TACC2: variants seen among roughly 807,000 people sequenced by gnomAD.
The protein encoded by TACC2 is transforming acidic coiled-coil-containing protein 2.
Under a neutral mutation model 227.3 loss-of-function variants are expected in TACC2, and 137 were observed. The ratio of observed to expected loss-of-function variants is 0.60; its 90% CI spans 0.52 to 0.69. The LOEUF is 0.69. TACC2 is among the 30% of genes least tolerant of loss of function. The pLI, the probability that TACC2 is intolerant of heterozygous loss-of-function variation, is 0.00. For synonymous variants in TACC2, 1,523 were observed against 1,487.5 expected (o/e 1.02, Z -0.55); for missense variants, 3,470 against 3,694.4 (o/e 0.94, Z 1.57).
At chr10:122,059,782 G>C (rs1458272492) in intron 3 of TACC2, among the ~76,000 whole-genome samples, 2 of 152,192 alleles carry the variant, frequency 1.3e-5, no homozygotes, top group Admixed American at 1.3e-4. Flanking sequence ...TGTCAAGCTA[G>C]AGAGTAACAG....
chr10:122,216,633 A>G lies in TACC2; in HGVS notation c.7351A>G (p.Thr2451Ala). The change falls in exon 11 of 23, where the codon ACC becomes GCC. Residue 2451 changes from threonine (T) to alanine (A), a missense_variant. Thr to Ala is a moderately conservative substitution (Grantham distance 58). This residue lies in a region of TACC2 where 593 missense variants were observed against 636.6 expected (regional missense o/e 0.93). Coordinates refer to ENST00000369005, the MANE Select transcript of TACC2 (RefSeq NM_206862.4). ...PLSDPPSQDP[T>A]PAATPETPPV... The stretch of plus-strand genomic sequence containing the variant: ...GTTTCTCTTCTCTTTGCAGGACCCC[A>G]CCCCAGCTGCTACACCAGAAACACC... 1 of 1,613,240 alleles carries G rather than the reference A, an allele frequency of 6.2e-7. No individual in the cohort carries two copies. The highest frequency in any genetic ancestry group is 2.2e-5 in the East Asian group (1 of 44,832).
At chr10:122,024,222 T>C (rs1471347587) in intron 2 of TACC2, among the ~76,000 whole-genome samples, 1 of 152,028 alleles carries the variant, frequency 6.6e-6, no homozygotes, top group Admixed American at 6.6e-5. Context: ...AAAAATTAGC[T>C]GGGTGTGGTG....
chr10:122,137,134 T>G (rs2089832956), intron 6 of TACC2, among the ~76,000 whole-genome samples: 1 of 152,154 alleles, frequency 6.6e-6, no homozygotes, highest in Non-Finnish European at 1.5e-5. Context: ...CAAAATTTGC[T>G]TCTTTCCTCA....
Position 122,035,935 on chromosome 10 carries a change from C to T in TACC2, c.33+13921C>T, listed in dbSNP as rs148223678. Among the ~76,000 whole-genome samples, 423 of 152,264 alleles carry T rather than the reference C, an allele frequency of 2.8e-3. 4 individuals carry two copies. Among genetic ancestry groups the T allele is most frequent in the African/African-American group, 9.3e-3 (386 of 41,548 alleles). On this transcript the variant is annotated intron_variant, in intron 2 of 22. Coordinates refer to ENST00000369005, the MANE Select transcript of TACC2 (RefSeq NM_206862.4). ...TCAATCAGTCCTCCCTCCTCAGCCT[C>T]CCTAGTAGCTAGGATTATAGGCATG... is the stretch of plus-strand genomic sequence containing the variant.
At chr10:122,207,501 G>A (rs998509306) in intron 8 of TACC2, among the ~76,000 whole-genome samples, 18 of 152,128 alleles carry the variant, frequency 1.2e-4, no homozygotes, top group Non-Finnish European at 2.4e-4. Flanking sequence ...TCACAGCTGG[G>A]GTAAGGGTGG....
At chr10:122,023,725 A>G (rs957757642) in intron 2 of TACC2, 1 of 151,886 alleles carries the variant, frequency 6.6e-6, no homozygotes. Context: ...GCAAACCAAC[A>G]TGGCACATGT....
At chr10:122,111,657 T>TTTA (rs56254647) in intron 5 of TACC2, among the ~76,000 whole-genome samples, 37 of 60,004 alleles carry the variant, frequency 6.2e-4, no homozygotes, top group Admixed American at 4.3e-3. Flanking sequence ...TGCCCAGCTA[T>TTTA]TTTTTTTTTT....
chr10:122,088,044 A>T (rs2080282016), intron 4 of TACC2, 85 bp downstream of exon 4: 1 of 1,384,576 alleles, frequency 7.2e-7, no homozygotes, highest in Admixed American at 2.9e-5. Context: ...TCAGTCGCAT[A>T]GGTGAGTGGT....
chr10:122,113,395 C>T (rs1592152054), intron 5 of TACC2, among the ~76,000 whole-genome samples: 1 of 152,236 alleles, frequency 6.6e-6, no homozygotes, highest in Admixed American at 6.5e-5. Flanking sequence ...CACATTCGGT[C>T]CCCTGCTGGC....
intron 3 of TACC2, among the ~76,000 whole-genome samples, chr10:122,078,051 C>T (rs943483947): frequency 3.3e-5 from 5 of 151,800 alleles, no homozygotes; most frequent in Non-Finnish European, 7.4e-5. Flanking sequence ...AAAAATTAGC[C>T]GGGCATGGTG....
At chr10:122,253,317 A>T (rs1056143601) in intron 22 of TACC2, among the ~76,000 whole-genome samples, 8 of 152,180 alleles carry the variant, frequency 5.3e-5, no homozygotes, top group African/African-American at 1.9e-4. Flanking sequence ...GCAAAGCCAC[A>T]CGTCCATGAT....
chr10:122,217,680 T>A (rs961528703), intron 11 of TACC2, among the ~76,000 whole-genome samples: 7 of 152,140 alleles, frequency 4.6e-5, no homozygotes, highest in African/African-American at 1.7e-4. Flanking sequence ...CCTCAGGTGA[T>A]CTGCCTGCCT....
chr10:122,174,440 G>T (rs2093616595), intron 7 of TACC2, among the ~76,000 whole-genome samples: 1 of 152,186 alleles, frequency 6.6e-6, no homozygotes, highest in Admixed American at 6.5e-5. Context: ...GGCATTCAGG[G>T]CCTCATTTAT....
intron 5 of TACC2, among the ~76,000 whole-genome samples, chr10:122,123,048 G>A (rs2086152807): frequency 6.6e-6 from 1 of 152,068 alleles, no homozygotes; most frequent in African/African-American, 2.4e-5. Context: ...ACTCACCCAG[G>A]CTGGAGTGCA....
At chr10:122,184,335 T>A (rs1282666975) in intron 7 of TACC2, among the ~76,000 whole-genome samples, 1 of 152,126 alleles carries the variant, frequency 6.6e-6, no homozygotes, top group African/African-American at 2.4e-5. Flanking sequence ...GGTGGGTGTG[T>A]CTTCCCTGGC....
At position 122,085,466 on chromosome 10, in the gene TACC2, G is replaced by A. The variant is rs777275006; in HGVS notation, c.2966G>A (p.Gly989Glu). The A allele has an allele frequency of 3.1e-6, 5 of 1,613,736 alleles. No individual in the cohort carries two copies. The South Asian group carries it at 3.3e-5, about 11-fold the overall frequency. Residue 989 changes from glycine (G) to glutamate (E), a missense_variant, in exon 4 of 23, where the codon GGG (glycine) becomes GAG (glutamate). By Grantham distance (98) the Gly-to-Glu change is moderately conservative (BLOSUM62 -2). Coordinates refer to ENST00000369005, the MANE Select transcript of TACC2 (RefSeq NM_206862.4). ...AAGGAAACTTGCTGCACTGGGCAGG[G>A]GCCAAACAAGTCTCAACAGGCATTG... Reference protein sequence around the residue: ...SRKETCCTGQGPNKSQQALAD... With the variant: ...SRKETCCTGQEPNKSQQALAD...
intron 7 of TACC2, among the ~76,000 whole-genome samples, chr10:122,165,980 G>C (rs1009199359): frequency 3.0e-4 from 45 of 152,304 alleles, no homozygotes; most frequent in Admixed American, 8.5e-4. Context: ...TTCTGCCCAG[G>C]CACAGGTCTT....
chr10:122,127,866 C>A (rs1380942104), intron 5 of TACC2, among the ~76,000 whole-genome samples: 2 of 152,116 alleles, frequency 1.3e-5, no homozygotes, highest in African/African-American at 4.8e-5. Context: ...TATGGTTGAG[C>A]CTAATATATA....
intron 7 of TACC2, among the ~76,000 whole-genome samples, chr10:122,169,728 G>C (rs2093372273): frequency 2.0e-5 from 3 of 152,026 alleles, no homozygotes; most frequent in South Asian, 4.2e-4. Flanking sequence ...CCAATTTATA[G>C]CCTTCCCTCT....
Sources: gnomAD v4.1 joint callset for allele counts (sites outside exome capture counted in the v4.1 genomes callset) on GRCh38, gnomAD v4.1.1 for gene constraint, gnomAD v4.1.1 regional missense constraint, MANE v1.5 for transcripts, NCBI Gene and HGNC (gene_info 2026-07-23, HGNC 2026-07-21) for gene names.